Variants in ATP8A1 observed in about 807,000 individuals in gnomAD.
The protein encoded by ATP8A1 is phospholipid-transporting ATPase IA.
ATP8A1 carries 90 observed loss-of-function variants against 177.7 expected under a neutral mutation model. That is an observed-to-expected ratio of 0.51 (90% CI 0.43 to 0.60). The LOEUF (loss-of-function observed/expected upper bound fraction) is 0.60. ATP8A1 is among the 20% of genes least tolerant of loss of function. The pLI is 0.00. For missense variants in ATP8A1, 1,072 were observed against 1,392.8 expected, an observed-to-expected ratio of 0.77 and a Z score of 3.67; for synonymous variants, 493 against 485.9, an observed-to-expected ratio of 1.01 and a Z score of -0.19.
intron 5 of ATP8A1, among the ~76,000 whole-genome samples, chr4:42,609,045 C>T (rs1003471983): frequency 6.6e-6 from 1 of 152,070 alleles, no homozygotes; most frequent in South Asian, 2.1e-4. Context: ...TCCACTGACA[C>T]AAAAGACAAT....
chr4:42,546,091 C>T (rs968920019), intron 19 of ATP8A1, among the ~76,000 whole-genome samples: 8 of 152,110 alleles, frequency 5.3e-5, no homozygotes, highest in African/African-American at 1.9e-4. Context: ...TTCCTCTTAT[C>T]AGAGGCCTTC....
chr4:42,654,448 G>A (rs1373328213), intron 1 of ATP8A1, among the ~76,000 whole-genome samples: 2 of 152,072 alleles, frequency 1.3e-5, no homozygotes, highest in African/African-American at 4.8e-5. Flanking sequence ...TGCTACTTGG[G>A]AACTAGGGCT....
intron 22 of ATP8A1, among the ~76,000 whole-genome samples, chr4:42,508,918 A>G (rs1724716572): frequency 6.6e-6 from 1 of 152,246 alleles, no homozygotes; most frequent in East Asian, 1.9e-4. Context: ...GTCTAAAATT[A>G]GTCTCAAGCT....
intron 14 of ATP8A1, among the ~76,000 whole-genome samples, chr4:42,570,208 A>G (rs1195584399): frequency 6.6e-6 from 1 of 152,206 alleles, no homozygotes; most frequent in African/African-American, 2.4e-5. Flanking sequence ...CCAGTGCAGT[A>G]TCCACTATAT....
intron 1 of ATP8A1, 42 bp from the exon 2 acceptor site, chr4:42,627,151 G>T: frequency 6.8e-7 from 1 of 1,473,102 alleles, no homozygotes; most frequent in Non-Finnish European, 9.4e-7. Context: ...ATGTTTTATT[G>T]TCCAGACCAA....
At chr4:42,585,260 A>G (rs542320435) in intron 9 of ATP8A1, among the ~76,000 whole-genome samples, 2 of 152,046 alleles carry the variant, frequency 1.3e-5, no homozygotes, top group South Asian at 2.1e-4. Context: ...ATTCTGTGCT[A>G]TTTGTTTTCC....
At chr4:42,587,835 C>A (rs1303810686) in intron 8 of ATP8A1, among the ~76,000 whole-genome samples, 1 of 152,100 alleles carries the variant, frequency 6.6e-6, no homozygotes, top group African/African-American at 2.4e-5. Flanking sequence ...GTCTCGATCT[C>A]CTGACCTTGT....
At position 42,522,293 on chromosome 4, in the gene ATP8A1, C is replaced by T; in HGVS notation, c.1814G>A (p.Arg605Lys). The T allele has an allele frequency of 6.2e-7, 1 of 1,613,272 alleles. No individual in the cohort carries two copies. The highest frequency in any genetic ancestry group is 8.5e-7 in the Non-Finnish European group (1 of 1,179,766). ...HLEQFATEGLRTLCFAVAEIS... is the reference protein window; with the variant it reads ...HLEQFATEGLKTLCFAVAEIS... Reference sequence around the variant, plus strand: ...CTCAGCCACAGCAAAACATAAAGTTCTTAACCCTGAAAAAGATAGCATACA... The same window carrying T: ...CTCAGCCACAGCAAAACATAAAGTTTTTAACCCTGAAAAAGATAGCATACA... Residue 605 changes from arginine (R) to lysine (K), a missense_variant, in exon 22 of 37, where the codon AGA (arginine) becomes AAA (lysine). By Grantham distance (26) the Arg-to-Lys change is conservative (BLOSUM62 2). Coordinates refer to ENST00000381668, the MANE Select transcript of ATP8A1 (RefSeq NM_006095.2).
At chr4:42,557,170 G>A (rs193073226) in intron 15 of ATP8A1, among the ~76,000 whole-genome samples, 4 of 152,176 alleles carry the variant, frequency 2.6e-5, no homozygotes, top group East Asian at 3.9e-4. Flanking sequence ...TCTCCAAATC[G>A]TAAGAAAATA....
rs900511440 is a variant in ATP8A1 at position 42,411,712 on chromosome 4, T to G, written c.*1204A>C. 4 of 152,190 alleles carry G rather than the reference T, an allele frequency of 2.6e-5. No individual in the cohort carries two copies. Among genetic ancestry groups the G allele is most frequent in the African/African-American group, 9.7e-5 (4 of 41,444 alleles). 9.4% of individuals were successfully genotyped at this position (152,190 alleles called of 1,614,324 possible). On this transcript the variant is annotated 3_prime_UTR_variant, in exon 37 of 37. Transcript: ENST00000381668. ...TCCTCTGACTGTAAAGTTACCGGCC[T>G]GAGTAAAATCCGCATTTTTTAAATG...
intron 20 of ATP8A1, among the ~76,000 whole-genome samples, chr4:42,530,303 A>C (rs558896373): frequency 3.3e-5 from 5 of 152,356 alleles, no homozygotes; most frequent in African/African-American, 1.2e-4. Context: ...ATATGGCACC[A>C]TTCCTTGGGG....
intron 5 of ATP8A1, 98 bp from the exon 6 acceptor site, chr4:42,600,616 A>G: frequency 9.1e-7 from 1 of 1,099,012 alleles, no homozygotes; most frequent in Non-Finnish European, 1.3e-6. Context: ...TTCAGTCAAA[A>G]TAACTAGTAG....
intron 21 of ATP8A1, among the ~76,000 whole-genome samples, chr4:42,523,969 T>C (rs770292008): frequency 3.3e-5 from 5 of 152,180 alleles, no homozygotes; most frequent in Admixed American, 6.5e-5. Context: ...TTAGGTCAGT[T>C]TGGTGCCACT....
Position 42,460,498 on chromosome 4 carries a change from C to T in ATP8A1, c.2619+4192G>A, listed in dbSNP as rs574092596. Reference sequence around the variant, plus strand: ...TGCCTCCCTGGTTCAAATGAGTCTCCTGCCTCAGCCTCCTAAGTAGCTGGG... The same window carrying T: ...TGCCTCCCTGGTTCAAATGAGTCTCTTGCCTCAGCCTCCTAAGTAGCTGGG... On this transcript the variant is annotated intron_variant, in intron 27 of 36. Transcript: ENST00000381668. Among the ~76,000 whole-genome samples the T allele has an allele frequency of 2.4e-3, 368 of 151,278 alleles. 3 individuals carry two copies. In the South Asian group the frequency reaches 0.036, roughly 15 times the overall value.
intron 16 of ATP8A1, among the ~76,000 whole-genome samples, chr4:42,555,146 C>CT (rs367589093): frequency 0.032 from 2,538 of 79,320 alleles, 62 homozygotes; most frequent in East Asian, 0.053. Flanking sequence ...TCTAATCTAT[C>CT]TATCTATCTA....
chr4:42,636,663 T>C (rs1272765154), intron 1 of ATP8A1, among the ~76,000 whole-genome samples: 2 of 152,226 alleles, frequency 1.3e-5, no homozygotes, highest in East Asian at 1.9e-4. Flanking sequence ...CGAGTGTTAA[T>C]GCAGACTCTG....
intron 16 of ATP8A1, among the ~76,000 whole-genome samples, chr4:42,555,147 TATCTATCTATCTATCTATCTATCTATC>T (rs1730032995): frequency 1.3e-5 from 1 of 74,500 alleles, no homozygotes; most frequent in African/African-American, 5.6e-5. Flanking sequence ...CTAATCTATC[TATCTATCTATCTATCTATCTATCTATC>T]TATCTATCTA....
At chr4:42,610,989 A>G (rs1361425107) in intron 5 of ATP8A1, among the ~76,000 whole-genome samples, 1 of 152,184 alleles carries the variant, frequency 6.6e-6, no homozygotes, top group South Asian at 2.1e-4. Flanking sequence ...AGCATAATAC[A>G]TCTCTTTGAA....
At chr4:42,497,742 A>G (rs1723430214) in intron 24 of ATP8A1, among the ~76,000 whole-genome samples, 1 of 152,246 alleles carries the variant, frequency 6.6e-6, no homozygotes. Context: ...ACACTGTCTT[A>G]AATCCAGGAA....
Sources: gnomAD v4.1 joint callset for allele counts (sites outside exome capture counted in the v4.1 genomes callset) on GRCh38, gnomAD v4.1.1 for gene constraint, MANE v1.5 for transcripts, NCBI Gene and HGNC (gene_info 2026-07-23, HGNC 2026-07-21) for gene names.